Variants in L3HYPDH observed in about 807,000 individuals in gnomAD.
L3HYPDH encodes trans-L-3-hydroxyproline dehydratase, also known as trans-3-hydroxy-L-proline dehydratase.
Under a neutral mutation model 26.5 loss-of-function variants are expected in L3HYPDH, and 32 were observed. The observed-to-expected ratio is 1.21, with a 90% CI of 0.91 to 1.62. L3HYPDH has a LOEUF of 1.62. L3HYPDH is among the 40% of genes most tolerant of loss of function. The pLI, the probability that L3HYPDH is intolerant of heterozygous loss-of-function variation, is 0.00. For synonymous variants in L3HYPDH, 215 were observed against 196.6 expected (o/e 1.09, Z -0.78); for missense variants, 554 against 476.4 (o/e 1.16, Z -1.52).
chr14:59,468,378 G>C (rs1208901678), downstream of L3HYPDH, among the ~76,000 whole-genome samples: 2 of 152,110 alleles, frequency 1.3e-5, no homozygotes, highest in Non-Finnish European at 2.9e-5. Flanking sequence ...TGCCACACTT[G>C]GCTTTTATGA....
chr14:59,496,531 G>C, the L3HYPDH span, among the ~76,000 whole-genome samples: 1 of 152,046 alleles, frequency 6.6e-6, no homozygotes, highest in African/African-American at 2.4e-5. Flanking sequence ...TATTTATAAA[G>C]CCTATTACAG....
chr14:59,482,377 A>G lies in L3HYPDH; in HGVS notation c.508+1432T>C, dbSNP rs185732987. ...ACTGTCATACAGTGATGCTCTCAGGAACTACTGAGAGGAACTACTGAGGTC... is the reference window on the plus strand; with the variant it reads ...ACTGTCATACAGTGATGCTCTCAGGGACTACTGAGAGGAACTACTGAGGTC... On this transcript the variant is annotated intron_variant, in intron 1 of 4. Coordinates refer to ENST00000247194, the MANE Select transcript of L3HYPDH (RefSeq NM_144581.2). 4.6e-4 allele frequency among the ~76,000 whole-genome samples: 70 copies of G among 152,282 alleles called. No homozygotes were observed. In the East Asian group the frequency reaches 8.7e-3, roughly 19 times the overall value.
the L3HYPDH span, chr14:59,501,308 A>C: frequency 1.6e-6 from 2 of 1,253,406 alleles, no homozygotes; most frequent in African/African-American, 3.0e-5. Flanking sequence ...CTTTTTGATA[A>C]ATTTGACAAT....
upstream of L3HYPDH, among the ~76,000 whole-genome samples, chr14:59,486,998 C>T (rs746830918): frequency 1.1e-4 from 17 of 151,994 alleles, no homozygotes; most frequent in Non-Finnish European, 1.3e-4. Context: ...GTCAGGAGTT[C>T]GAGACCAGCC....
chr14:59,484,364 G>C lies in L3HYPDH; in HGVS notation c.-48C>G. 6.5e-7 allele frequency: 1 copy of C among 1,529,590 alleles called. No individual in the cohort carries two copies. Among genetic ancestry groups the C allele is most frequent in the South Asian group, 1.2e-5 (1 of 82,478 alleles). 94.8% of individuals were successfully genotyped at this position (1,529,590 alleles called of 1,614,324 possible). ...TACGGTCCCGCAGCTATGGCTTCAA[G>C]CCCGACCCTCACCCACTGACTCCGC... is the stretch of plus-strand genomic sequence containing the variant. On this transcript the variant is annotated 5_prime_UTR_variant, in exon 1 of 5. Transcript: ENST00000247194.
chr14:59,466,167 G>T (rs1341912288), intron 1 of L3HYPDH, among the ~76,000 whole-genome samples: 1 of 152,210 alleles, frequency 6.6e-6, no homozygotes, highest in Non-Finnish European at 1.5e-5. Flanking sequence ...TGATAAATGG[G>T]GGGAGAGGGA....
chr14:59,488,166 CTAA>C (rs1890723078), upstream of L3HYPDH, among the ~76,000 whole-genome samples: 1 of 151,612 alleles, frequency 6.6e-6, no homozygotes, highest in Non-Finnish European at 1.5e-5. Context: ...TAATTTAATA[CTAA>C]TAATCTAGTA....
chr14:59,503,527 G>A, the L3HYPDH span, among the ~76,000 whole-genome samples: 1 of 152,120 alleles, frequency 6.6e-6, no homozygotes, highest in Non-Finnish European at 1.5e-5. Flanking sequence ...ATAAAGTGGA[G>A]TTTCCCTTCT....
chr14:59,472,940 A>G lies in L3HYPDH; in HGVS notation c.*25T>C, dbSNP rs1277985336. 3 of 1,560,496 alleles carry G rather than the reference A, an allele frequency of 1.9e-6. No individual in the cohort carries two copies. The highest frequency in any genetic ancestry group is 2.6e-6 in the Non-Finnish European group (3 of 1,161,778). On this transcript the variant is annotated 3_prime_UTR_variant, in exon 5 of 5. Coordinates refer to ENST00000247194, the MANE Select transcript of L3HYPDH (RefSeq NM_144581.2). ...TAAGGATAATGATTACTTTAAAAAG[A>G]AAGCCCTTAAAATCATGGAAGAAGT...
chr14:59,496,142 G>GATCAC, the L3HYPDH span, among the ~76,000 whole-genome samples: 1 of 152,174 alleles, frequency 6.6e-6, no homozygotes, highest in Non-Finnish European at 1.5e-5. Flanking sequence ...CTGGCCTTAA[G>GATCAC]TGATCTACCC....
chr14:59,503,785 T>C, the L3HYPDH span: 1 of 914,350 alleles, frequency 1.1e-6, no homozygotes, highest in Non-Finnish European at 1.7e-6. Context: ...TTAAGTTATA[T>C]TAAATTACCC....
the L3HYPDH span, chr14:59,495,275 G>A: frequency 1.5e-6 from 2 of 1,355,986 alleles, no homozygotes; most frequent in South Asian, 1.2e-5. Flanking sequence ...AATCTCTGAG[G>A]ATTATTATAG....
At chr14:59,476,954 T>G (rs886487265) in intron 2 of L3HYPDH, among the ~76,000 whole-genome samples, 5 of 152,234 alleles carry the variant, frequency 3.3e-5, no homozygotes, top group Non-Finnish European at 4.4e-5. Context: ...TGACTGAGAT[T>G]GCTATAATCT....
intron 1 of L3HYPDH, 113 bp from the exon 2 acceptor site, chr14:59,479,464 T>C (rs1889865583): frequency 1.0e-6 from 1 of 998,688 alleles, no homozygotes; most frequent in South Asian, 1.5e-5. Flanking sequence ...TCTTTTCCTA[T>C]CATAAAAATA....
chr14:59,487,097 G>A (rs1045836162), upstream of L3HYPDH: 7 of 199,800 alleles, frequency 3.5e-5, no homozygotes, highest in East Asian at 9.3e-4. Context: ...CAGCTACTCG[G>A]GAGGCTGAGA....
intron 1 of L3HYPDH, 44 bp from the exon 2 acceptor site, chr14:59,479,395 A>C: frequency 6.6e-7 from 1 of 1,523,676 alleles, no homozygotes; most frequent in African/African-American, 1.4e-5. Flanking sequence ...TTTGTTAATA[A>C]GTATTTTAGC....
At chr14:59,489,880 CTCTT>C in the L3HYPDH span, among the ~76,000 whole-genome samples, 79,893 of 151,080 alleles carry the variant, frequency 0.53, 23,051 homozygotes, top group African/African-American at 0.77. Context: ...GAGGAGGTAC[CTCTT>C]TCTTTCATTT....
At chr14:59,504,964 T>C in the L3HYPDH span, 1 of 236,378 alleles carries the variant, frequency 4.2e-6, no homozygotes, top group Non-Finnish European at 8.1e-6. Flanking sequence ...TTGTGATAGG[T>C]GTTCTGTGAT....
the L3HYPDH span, among the ~76,000 whole-genome samples, chr14:59,494,715 C>G: frequency 6.6e-6 from 1 of 152,126 alleles, no homozygotes; most frequent in Non-Finnish European, 1.5e-5. Context: ...AAACACGTTA[C>G]ATACCATCTT....
Sources: gnomAD v4.1 joint callset for allele counts (sites outside exome capture counted in the v4.1 genomes callset) on GRCh38, gnomAD v4.1.1 for gene constraint, MANE v1.5 for transcripts, NCBI Gene and HGNC (gene_info 2026-07-23, HGNC 2026-07-21) for gene names.